The following C12orf42 variants were observed in gnomAD, a reference collection of about 807,000 sequenced individuals.
C12orf42 encodes the protein chromosome 12 open reading frame 42.
In C12orf42, 25 loss-of-function variants were observed where a neutral mutation model predicts 21.6. The ratio of observed to expected loss-of-function variants is 1.16; its 90% confidence interval spans 0.84 to 1.62. The LOEUF (loss-of-function observed/expected upper bound fraction) is 1.62. Among genes scored for constraint, C12orf42 ranks in the 40% most tolerant of loss-of-function variants. The pLI is 0.00. For synonymous variants in C12orf42, 174 were observed against 175.0 expected, an observed-to-expected ratio of 0.99 and a Z score of 0.05; for missense variants, 483 against 459.3, an observed-to-expected ratio of 1.05 and a Z score of -0.47.
chr12:103,069,264 A>G, the C12orf42 span, among the ~76,000 whole-genome samples: 1 of 151,140 alleles, frequency 6.6e-6, no homozygotes, highest in South Asian at 2.1e-4. Context: ...TTTATCTTGC[A>G]ATATATTTCC....
At chr12:103,061,625 T>A in the C12orf42 span, among the ~76,000 whole-genome samples, 1 of 152,028 alleles carries the variant, frequency 6.6e-6, no homozygotes, top group Non-Finnish European at 1.5e-5. Flanking sequence ...TAATACAAAG[T>A]ATTTTTCTTA....
At chr12:103,203,226 C>A in the C12orf42 span, among the ~76,000 whole-genome samples, 1 of 152,184 alleles carries the variant, frequency 6.6e-6, no homozygotes, top group Non-Finnish European at 1.5e-5. Flanking sequence ...TCATCCCCTG[C>A]AACTTGAGAG....
intron 2 of C12orf42, among the ~76,000 whole-genome samples, chr12:103,457,999 C>T (rs1352713660): frequency 2.0e-5 from 3 of 152,164 alleles, no homozygotes; most frequent in African/African-American, 7.2e-5. Flanking sequence ...CCTCCAACTG[C>T]ACTTCAGATA....
At chr12:103,478,884 G>C (rs780959365) in intron 1 of C12orf42, among the ~76,000 whole-genome samples, 45 of 152,196 alleles carry the variant, frequency 3.0e-4, no homozygotes, top group African/African-American at 1.1e-3. Flanking sequence ...AAAACAGCAA[G>C]CTAGTTAATT....
intron 10 of C12orf42, among the ~76,000 whole-genome samples, chr12:103,252,760 T>G (rs1565995837): frequency 6.6e-6 from 1 of 152,240 alleles, no homozygotes; most frequent in Non-Finnish European, 1.5e-5. Context: ...GGTTGCCTGT[T>G]CACTCTGATG....
the C12orf42 span, among the ~76,000 whole-genome samples, chr12:103,103,092 T>G: frequency 2.1e-4 from 32 of 152,288 alleles, no homozygotes; most frequent in African/African-American, 7.7e-4. Context: ...AGACATAATC[T>G]AACTAAGCAC....
chr12:103,259,819 C>T (rs1195667035), intron 10 of C12orf42, among the ~76,000 whole-genome samples: 2 of 152,094 alleles, frequency 1.3e-5, no homozygotes, highest in Non-Finnish European at 1.5e-5. Context: ...GGACACTGTA[C>T]CAAACACCTT....
intron 4 of C12orf42, among the ~76,000 whole-genome samples, chr12:103,281,935 G>A (rs2036157459): frequency 6.6e-6 from 1 of 150,994 alleles, no homozygotes; most frequent in Admixed American, 6.6e-5. Flanking sequence ...AAGAAAGAAA[G>A]AAAGAAAGAA....
At chr12:103,452,572 T>C (rs2374074) in intron 2 of C12orf42, among the ~76,000 whole-genome samples, 119,623 of 151,852 alleles carry the variant, frequency 0.79, 47,560 homozygotes, top group East Asian at 0.87. Flanking sequence ...AAGACACATG[T>C]ACATGTATGT....
At chr12:103,130,454 T>C in the C12orf42 span, among the ~76,000 whole-genome samples, 4 of 151,982 alleles carry the variant, frequency 2.6e-5, no homozygotes, top group African/African-American at 9.7e-5. Context: ...CTATTTCATT[T>C]GATCCTTACA....
chr12:103,335,216 T>C (rs1298192072), intron 4 of C12orf42, among the ~76,000 whole-genome samples: 4 of 152,248 alleles, frequency 2.6e-5, no homozygotes, highest in African/African-American at 4.8e-5. Flanking sequence ...GAGTGCTTTC[T>C]GCCATTGATG....
upstream of C12orf42, among the ~76,000 whole-genome samples, chr12:103,496,633 G>A (rs1198961108): frequency 1.3e-5 from 2 of 152,100 alleles, no homozygotes; most frequent in Non-Finnish European, 2.9e-5. Context: ...CAGAACCAAA[G>A]AGTTGTTAAG....
chr12:103,366,700 T>C (rs1049568956), intron 4 of C12orf42, among the ~76,000 whole-genome samples: 2 of 151,750 alleles, frequency 1.3e-5, no homozygotes, highest in East Asian at 3.9e-4. Context: ...AACAAACATA[T>C]GAAAAAATGC....
At chr12:103,264,692 G>A (rs1307648638), downstream of C12orf42, among the ~76,000 whole-genome samples, 5 of 152,058 alleles carry the variant, frequency 3.3e-5, no homozygotes, top group Non-Finnish European at 5.9e-5. Flanking sequence ...GGAATTTGTA[G>A]GGCCTGTACC....
the C12orf42 span, among the ~76,000 whole-genome samples, chr12:103,092,635 A>G: frequency 2.6e-5 from 4 of 152,274 alleles, no homozygotes; most frequent in Middle Eastern, 3.4e-3. Flanking sequence ...CCCCACACTC[A>G]TCACCCAATC....
chr12:103,186,422 C>T, the C12orf42 span, among the ~76,000 whole-genome samples: 41,222 of 152,072 alleles, frequency 0.27, 6,632 homozygotes, highest in Non-Finnish European at 0.37. Context: ...ATTTAGAGTT[C>T]TTGCCTTTCA....
chr12:103,318,837 A>G (rs1166337304), intron 4 of C12orf42, among the ~76,000 whole-genome samples: 2 of 129,528 alleles, frequency 1.5e-5, no homozygotes, highest in Non-Finnish European at 3.2e-5. Flanking sequence ...TACTCACACA[A>G]TTCAACTGGC....
chr12:103,540,891 TTTTC>T, the C12orf42 span, among the ~76,000 whole-genome samples: 854 of 152,206 alleles, frequency 5.6e-3, 6 homozygotes, highest in Non-Finnish European at 9.1e-3. Flanking sequence ...ATTGAATGAA[TTTTC>T]TTTCTTTCTT....
intron 2 of C12orf42, among the ~76,000 whole-genome samples, chr12:103,415,993 T>A (rs569572283): frequency 6.6e-5 from 10 of 151,734 alleles, no homozygotes; most frequent in African/African-American, 2.4e-4. Context: ...CTACATGATT[T>A]AGCAGGTGAT....
Sources: gnomAD v4.1 joint callset for allele counts (sites outside exome capture counted in the v4.1 genomes callset) on GRCh38, gnomAD v4.1.1 for gene constraint, MANE v1.5 for transcripts, NCBI Gene and HGNC (gene_info 2026-07-23, HGNC 2026-07-21) for gene names.